The following AP2A2 variants were observed in gnomAD, a reference collection of about 807,000 sequenced individuals.
AP2A2 encodes the protein AP-2 complex subunit alpha-2.
AP2A2 carries 32 observed loss-of-function variants against 104.2 expected under a neutral mutation model. The ratio of observed to expected loss-of-function variants is 0.31; its 90% CI spans 0.23 to 0.41. AP2A2 has a LOEUF of 0.41. AP2A2 is among the 10% of genes least tolerant of loss of function. AP2A2 has a pLI of 1.00. For synonymous variants in AP2A2, 539 were observed against 533.3 expected (o/e 1.01, Z -0.15); for missense variants, 912 against 1,261.0 (o/e 0.72, Z 4.19).
intron 5 of AP2A2, among the ~76,000 whole-genome samples, chr11:979,358 C>T (rs1049462342): frequency 1.3e-5 from 2 of 151,730 alleles, no homozygotes; most frequent in Non-Finnish European, 2.9e-5. Flanking sequence ...TGGCAAAATC[C>T]GTTAGCACTT....
At chr11:1,006,445 T>TG (rs989650144) in intron 16 of AP2A2, 83 bp from the exon 17 acceptor site, 15 of 942,648 alleles carry the variant, frequency 1.6e-5, no homozygotes, top group African/African-American at 1.2e-4. Flanking sequence ...CTGAAGATTG[T>TG]GGGGGGCTCT....
At chr11:983,185 T>G (rs1855312143) in intron 6 of AP2A2, among the ~76,000 whole-genome samples, 1 of 150,204 alleles carries the variant, frequency 6.7e-6, no homozygotes, top group African/African-American at 2.5e-5. Flanking sequence ...GCCCAGTTAA[T>G]TTTTGTATAT....
intron 9 of AP2A2, among the ~76,000 whole-genome samples, chr11:987,687 C>T (rs1350650834): frequency 6.6e-6 from 1 of 152,180 alleles, no homozygotes; most frequent in East Asian, 1.9e-4. Context: ...GTTGGAAGAG[C>T]CCAGTTGAGG....
chr11:989,761 A>G (rs746652223), intron 10 of AP2A2, among the ~76,000 whole-genome samples: 1 of 152,170 alleles, frequency 6.6e-6, no homozygotes, highest in Non-Finnish European at 1.5e-5. Context: ...CCACACTCAC[A>G]GGCCTCTCAG....
At position 993,606 on chromosome 11, in the gene AP2A2, T is replaced by TGCGGTGGGATCTGGA; in HGVS notation, c.1551-145_1551-131dup. Reference sequence around the variant, plus strand: ...GCTGACTTAGTGAAAGGGGCGTCTTTGCGGTGGGATCTGGAGCTGGAAGAG... The same window carrying TGCGGTGGGATCTGGA: ...GCTGACTTAGTGAAAGGGGCGTCTTTGCGGTGGGATCTGGAGCGGTGGGATCTGGAGCTGGAAGAG... On this transcript the variant is annotated intron_variant, in intron 12 of 21. Transcript: ENST00000448903. This position sits in a 1 kb window ranked among gnomAD's most constrained non-coding sequence, Gnocchi z 8.2. The TGCGGTGGGATCTGGA allele has an allele frequency of 1.5e-6, 1 of 662,158 alleles. No individual in the cohort carries two copies. Among genetic ancestry groups the TGCGGTGGGATCTGGA allele is most frequent in the Non-Finnish European group, 2.5e-6 (1 of 393,576 alleles). 41.0% of individuals were successfully genotyped at this position (662,158 alleles called of 1,614,324 possible). A position where few individuals can be genotyped will look rare whatever the true frequency, so the allele number is the denominator to read the frequency against.
intron 1 of AP2A2, among the ~76,000 whole-genome samples, chr11:949,575 G>A (rs1238303849): frequency 6.6e-6 from 1 of 152,190 alleles, no homozygotes; most frequent in South Asian, 2.1e-4. Flanking sequence ...AGGAGATGGA[G>A]ACCAGCCTGG....
At chr11:1,008,212 C>T in intron 18 of AP2A2, 77 bp downstream of exon 18, 3 of 1,486,726 alleles carry the variant, frequency 2.0e-6, no homozygotes, top group South Asian at 1.4e-5. Flanking sequence ...ATGACTGTGC[C>T]TCCGTGTCCT....
In AP2A2 at chr11:926,041, G is replaced by T; in HGVS notation, c.20G>T (p.Gly7Val). 7.2e-7 allele frequency: 1 copy of T among 1,392,760 alleles called. No homozygotes were observed. Among genetic ancestry groups the T allele is most frequent in the Non-Finnish European group, 9.4e-7 (1 of 1,062,292 alleles). 86.3% of individuals were successfully genotyped at this position (1,392,760 alleles called of 1,614,324 possible). A position where few individuals can be genotyped will look rare whatever the true frequency, so the allele number is the denominator to read the frequency against. MPAVSK[G>V]DGMRGLAVFI... The stretch of plus-strand genomic sequence containing the variant: ...CGGAAGATGCCGGCCGTGTCCAAGG[G>T]GGACGGGATGCGGGGCCTGGCGGTC... The change falls in exon 1 of 22, where the codon GGG becomes GTG. Residue 7 changes from glycine (G) to valine (V), a missense_variant. Physicochemically the swap from Gly to Val is moderately radical, Grantham distance 109. This residue lies in a region of AP2A2 where 43 missense variants were observed against 47.0 expected (regional missense o/e 0.91). Transcript: ENST00000448903.
rs374245713 is a variant in AP2A2 at position 999,483 on chromosome 11, A to T, written c.1957-949A>T. ...CAGTGCACTCCAGCCTGGGCAATAG[A>T]GTGAGACTGTCTCAAAAAAAACAAA... is the stretch of plus-strand genomic sequence containing the variant. On this transcript the variant is annotated intron_variant, in intron 14 of 21. Coordinates refer to ENST00000448903, the MANE Select transcript of AP2A2 (RefSeq NM_012305.4). Among the ~76,000 whole-genome samples the T allele has an allele frequency of 9.2e-5, 14 of 152,234 alleles. No individual in the cohort carries two copies. In the South Asian group the frequency reaches 2.9e-3, roughly 32 times the overall value.
intron 1 of AP2A2, among the ~76,000 whole-genome samples, chr11:956,599 C>G (rs1309976129): frequency 2.0e-5 from 3 of 152,176 alleles, no homozygotes; most frequent in African/African-American, 7.2e-5. Flanking sequence ...ACTCTTTAAG[C>G]CTCAGTTTTC....
chr11:998,328 C>T (rs1855923638), intron 14 of AP2A2, among the ~76,000 whole-genome samples: 1 of 140,300 alleles, frequency 7.1e-6, no homozygotes, highest in South Asian at 2.6e-4. Context: ...CTCTCACCCG[C>T]CCCCATTCTG....
intron 18 of AP2A2, 104 bp downstream of exon 18, chr11:1,008,239 G>C (rs1489136536): frequency 3.5e-6 from 5 of 1,423,720 alleles, no homozygotes; most frequent in Non-Finnish European, 4.6e-6. Context: ...GGGGACCCGG[G>C]GCGTGCGGGT....
chr11:1,009,526 G>T, intron 20 of AP2A2, 129 bp downstream of exon 20: 1 of 1,309,694 alleles, frequency 7.6e-7, no homozygotes. Context: ...CGGCCCCGGG[G>T]GACACGCAGC....
intron 1 of AP2A2, among the ~76,000 whole-genome samples, chr11:930,731 A>G (rs1233057753): frequency 6.6e-6 from 1 of 152,200 alleles, no homozygotes; most frequent in Non-Finnish European, 1.5e-5. Flanking sequence ...CGTGTTAGCC[A>G]GGATGGTCTC....
At chr11:1,003,055 G>T (rs1456988838) in intron 15 of AP2A2, among the ~76,000 whole-genome samples, 1 of 152,242 alleles carries the variant, frequency 6.6e-6, no homozygotes, top group African/African-American at 2.4e-5. Context: ...CCTAGAGGAG[G>T]TCAGAAAACT....
chr11:986,667 G>A (rs1240803174), intron 8 of AP2A2, 118 bp from the exon 9 acceptor site: 4 of 1,252,950 alleles, frequency 3.2e-6, no homozygotes, highest in South Asian at 2.9e-5. Flanking sequence ...GTGTGGTGGC[G>A]GTGAGTGCCG....
In AP2A2 at chr11:937,133, C is replaced by T. The variant is rs553324289; in HGVS notation, c.67+11045C>T. 5.3e-5 allele frequency among the ~76,000 whole-genome samples: 8 copies of T among 152,220 alleles called. No homozygotes were observed. In the East Asian group the frequency reaches 1.4e-3, roughly 26 times the overall value. ...CCTCTGGGTTCAAGTGATTCTCCTG[C>T]CTCAGCCTCTGAAGTAGCTGGGATT... On this transcript the variant is annotated intron_variant, in intron 1 of 21. Transcript: ENST00000448903.
chr11:995,432 A>G (rs1326776849), intron 14 of AP2A2: 1 of 455,692 alleles, frequency 2.2e-6, no homozygotes, highest in Admixed American at 2.3e-5. Context: ...TGTCGGGGTC[A>G]GGCGGGCTTT....
chr11:1,007,739 G>A (rs1856258535), intron 17 of AP2A2: 3 of 543,396 alleles, frequency 5.5e-6, no homozygotes, highest in African/African-American at 1.9e-5. Context: ...ACCCAGAGCC[G>A]AGGCTCAGAG....
Sources: allele counts gnomAD v4.1 joint callset (sites outside exome capture counted in the v4.1 genomes callset), GRCh38; gene constraint gnomAD v4.1.1; regional missense constraint gnomAD v4.1.1; non-coding constraint Gnocchi (gnomAD v3.1); transcripts MANE v1.5; gene names NCBI Gene and HGNC (gene_info 2026-07-23, HGNC 2026-07-21).